Variants in MAP2K1 observed in about 807,000 individuals in gnomAD.
MAP2K1 encodes mitogen-activated protein kinase kinase 1.
A neutral mutation model predicts 46.3 loss-of-function variants in MAP2K1; 16 were observed. That is an observed-to-expected ratio of 0.35 (90% CI 0.23 to 0.52). The LOEUF (loss-of-function observed/expected upper bound fraction) is 0.52, where lower values mean the gene tolerates loss of function less well. MAP2K1 is among the 20% of genes least tolerant of loss of function. The probability of loss-of-function intolerance (pLI) is 0.94; values close to 1 mark genes in which losing one functional copy is unlikely to be tolerated. For missense variants in MAP2K1, 263 were observed against 497.1 expected, an observed-to-expected ratio of 0.53 and a Z score of 4.48; for synonymous variants, 183 against 185.6, an observed-to-expected ratio of 0.99 and a Z score of 0.11.
chr15:66,473,977 C>A (rs1892699251), intron 5 of MAP2K1, among the ~76,000 whole-genome samples: 1 of 152,144 alleles, frequency 6.6e-6, no homozygotes, highest in Non-Finnish European at 1.5e-5. Flanking sequence ...CCACCATGCC[C>A]GGCCTAAAAA....
intron 1 of MAP2K1, among the ~76,000 whole-genome samples, chr15:66,405,887 T>C (rs904871165): frequency 6.6e-5 from 10 of 152,244 alleles, no homozygotes; most frequent in Admixed American, 4.6e-4. Context: ...CGCTTTGTAA[T>C]TGAACTTGCA....
At chr15:66,421,268 T>G (rs2093442837) in intron 1 of MAP2K1, among the ~76,000 whole-genome samples, 1 of 151,900 alleles carries the variant, frequency 6.6e-6, no homozygotes, top group Non-Finnish European at 1.5e-5. Context: ...CCCAAGTAGT[T>G]GAGACTACAG....
At chr15:66,413,398 G>C (rs150218061) in intron 1 of MAP2K1, among the ~76,000 whole-genome samples, 2 of 152,308 alleles carry the variant, frequency 1.3e-5, no homozygotes, top group East Asian at 3.9e-4. Flanking sequence ...TTGTAAATGA[G>C]ACTTAGGGCA....
intron 8 of MAP2K1, chr15:66,488,815 G>A (rs188231349): frequency 2.1e-5 from 5 of 242,740 alleles, no homozygotes; most frequent in Admixed American, 1.0e-4. Context: ...TGCTGGTTAC[G>A]TTCCCATGCC....
intron 3 of MAP2K1, among the ~76,000 whole-genome samples, chr15:66,438,078 CTTTCTTTTTT>C (rs1280767172): frequency 2.1e-5 from 3 of 142,304 alleles, no homozygotes; most frequent in African/African-American, 7.8e-5. Flanking sequence ...TTTTTTTCCC[CTTTCTTTTTT>C]TTTCTTTTTG....
intron 1 of MAP2K1, among the ~76,000 whole-genome samples, chr15:66,423,531 G>A (rs545244059): frequency 2.2e-4 from 33 of 150,306 alleles, no homozygotes; most frequent in Admixed American, 1.1e-3. Flanking sequence ...CCTCCCTCCC[G>A]GTATTAAGCA....
chr15:66,399,504 G>A (rs559297006), intron 1 of MAP2K1, among the ~76,000 whole-genome samples: 3 of 151,868 alleles, frequency 2.0e-5, no homozygotes, highest in African/African-American at 2.4e-5. Flanking sequence ...AGGCTGCAGC[G>A]CAGTGGTGTG....
At chr15:66,459,240 G>A (rs934889712) in intron 5 of MAP2K1, among the ~76,000 whole-genome samples, 1 of 150,956 alleles carries the variant, frequency 6.6e-6, no homozygotes, top group Non-Finnish European at 1.5e-5. Context: ...TTGAACCCGG[G>A]AGTCTGAGGT....
At chr15:66,489,924 C>G (rs1893188167) in intron 10 of MAP2K1, 161 bp downstream of exon 10, 5 of 738,540 alleles carry the variant, frequency 6.8e-6, no homozygotes, top group Non-Finnish European at 1.2e-5. Flanking sequence ...CCTTTGCTCT[C>G]CCATCAGTTT....
chr15:66,449,118 C>T (rs1342691351), intron 5 of MAP2K1, among the ~76,000 whole-genome samples: 1 of 151,458 alleles, frequency 6.6e-6, no homozygotes. Context: ...CCATGAACTG[C>T]ACTCCTTGGC....
intron 1 of MAP2K1, among the ~76,000 whole-genome samples, chr15:66,410,574 G>A (rs1315301491): frequency 6.6e-6 from 1 of 152,184 alleles, no homozygotes; most frequent in African/African-American, 2.4e-5. Flanking sequence ...TATCCAGACT[G>A]CTGAAGGCTT....
In MAP2K1 at chr15:66,416,370, C is replaced by A. The variant is rs532143734; in HGVS notation, c.81-18657C>A. ...TACAATCCCCCCCAAACACACACAC[C>A]CACCCACACACCCACCTTTCAGACT... On this transcript the variant is annotated intron_variant, in intron 1 of 10. Coordinates refer to ENST00000307102, the MANE Select transcript of MAP2K1 (RefSeq NM_002755.4). Among the ~76,000 whole-genome samples, 24 of 151,800 alleles carry A rather than the reference C, an allele frequency of 1.6e-4. No individual in the cohort carries two copies. The East Asian group carries it at 3.7e-3, about 23-fold the overall frequency.
At chr15:66,427,974 A>G (rs976740397) in intron 1 of MAP2K1, among the ~76,000 whole-genome samples, 1 of 152,130 alleles carries the variant, frequency 6.6e-6, no homozygotes, top group African/African-American at 2.4e-5. Flanking sequence ...AGATTGCGCC[A>G]TTGCATTCCA....
At chr15:66,461,517 A>AAAT (rs1226805898) in intron 5 of MAP2K1, among the ~76,000 whole-genome samples, 1,671 of 136,732 alleles carry the variant, frequency 0.012, 15 homozygotes, top group Admixed American at 0.025. Flanking sequence ...AATAAATAAT[A>AAAT]AAATAATAAT....
intron 1 of MAP2K1, among the ~76,000 whole-genome samples, chr15:66,417,701 C>A (rs561655855): frequency 2.6e-5 from 4 of 152,090 alleles, no homozygotes; most frequent in Non-Finnish European, 5.9e-5. Context: ...AGAGGTGATA[C>A]GTGCTCAGGG....
chr15:66,465,858 A>G (rs1157678783), intron 5 of MAP2K1, among the ~76,000 whole-genome samples: 1 of 152,250 alleles, frequency 6.6e-6, no homozygotes, highest in Non-Finnish European at 1.5e-5. Flanking sequence ...TATTTTTCAC[A>G]TAGGCTTTTA....
At chr15:66,443,082 A>AT (rs398027713) in intron 3 of MAP2K1, among the ~76,000 whole-genome samples, 198 bp from the exon 4 acceptor site, 45,319 of 90,806 alleles carry the variant, frequency 0.5, 14,234 homozygotes, top group East Asian at 0.63. Context: ...TTGTGTGTGT[A>AT]TTTTTTTTTT....
At position 66,483,748 on chromosome 15, in the gene MAP2K1, C is replaced by CTT. The variant is rs750947705; in HGVS notation, c.694-1226_694-1225dup. On this transcript the variant is annotated intron_variant, in intron 6 of 10. Transcript: ENST00000307102. ...TTTTACAACATTTGACATACATTTTCTTTTTTTTTTTTTTTTTGAGACGGA... is the reference window on the plus strand; with the variant it reads ...TTTTACAACATTTGACATACATTTTCTTTTTTTTTTTTTTTTTTTGAGACGGA... Among the ~76,000 whole-genome samples, 317 of 131,092 alleles carry CTT rather than the reference C, an allele frequency of 2.4e-3. 15 individuals carry two copies. The highest frequency in any genetic ancestry group is 2.9e-3 in the African/African-American group (104 of 35,746). The allele number at this position is 131,092 out of a possible 152,430, so 86.0% of individuals were successfully genotyped here.
rs761845350 is a variant in MAP2K1, at chr15:66,443,369, A to G, written c.516+12A>G. ...AAGTTAGCATTGCTGTGAGTATGTTATGAAGTTTTTCTTCTAAGTTCCTCA... is the reference window on the plus strand; with the variant it reads ...AAGTTAGCATTGCTGTGAGTATGTTGTGAAGTTTTTCTTCTAAGTTCCTCA... On this transcript the variant is annotated intron_variant, in intron 4 of 10. Coordinates refer to ENST00000307102, the MANE Select transcript of MAP2K1 (RefSeq NM_002755.4). 6.4e-7 allele frequency: 1 copy of G among 1,559,194 alleles called. No homozygotes were observed. Among genetic ancestry groups the G allele is most frequent in the Non-Finnish European group, 8.8e-7 (1 of 1,130,026 alleles).
Sources: allele counts gnomAD v4.1 joint callset (sites outside exome capture counted in the v4.1 genomes callset), GRCh38; gene constraint gnomAD v4.1.1; transcripts MANE v1.5; gene names NCBI Gene and HGNC (gene_info 2026-07-23, HGNC 2026-07-21).